GRAMD4: variants seen among roughly 807,000 people sequenced by gnomAD.
GRAMD4 encodes GRAM domain containing 4.
In GRAMD4, 25 loss-of-function variants were observed where a neutral mutation model predicts 83.9. The observed-to-expected ratio is 0.30, with a 90% CI of 0.22 to 0.42. The LOEUF is 0.42. Ranked by LOEUF, GRAMD4 falls within the 10% of genes least tolerant of loss-of-function variation. The pLI, the probability that GRAMD4 is intolerant of heterozygous loss-of-function variation, is 1.00. For synonymous variants in GRAMD4, 336 were observed against 320.9 expected (o/e 1.05, Z -0.50); for missense variants, 593 against 788.7 (o/e 0.75, Z 2.97).
At chr22:46,665,912 T>G (rs2082401750) in intron 9 of GRAMD4, among the ~76,000 whole-genome samples, 1 of 151,998 alleles carries the variant, frequency 6.6e-6, no homozygotes, top group Non-Finnish European at 1.5e-5. Flanking sequence ...AGTTCCCAAA[T>G]CCCCCAGCAG....
Position 46,676,579 on chromosome 22 carries a change from C to T in GRAMD4, c.1564-21C>T, listed in dbSNP as rs1005037098. On this transcript the variant is annotated intron_variant, in intron 17 of 18. Coordinates refer to ENST00000406902, the MANE Select transcript of GRAMD4 (RefSeq NM_015124.5). ...TGTCCCCAGGAGAGACCTGTGGTGA[C>T]GGCCACGCTTTGCCTTTCAGTACAA... The T allele has an allele frequency of 1.2e-5, 18 of 1,547,580 alleles. 1 individual carries two copies. In the East Asian group the frequency reaches 2.0e-4, roughly 17 times the overall value.
chr22:46,592,562 G>A (rs958057785), intron 1 of GRAMD4, among the ~76,000 whole-genome samples: 7 of 152,150 alleles, frequency 4.6e-5, no homozygotes, highest in Non-Finnish European at 8.8e-5. Context: ...GGAGGGGCTC[G>A]ATTCAGTTAC....
At chr22:46,600,816 T>TA (rs2081305399) in intron 1 of GRAMD4, among the ~76,000 whole-genome samples, 1 of 152,240 alleles carries the variant, frequency 6.6e-6, no homozygotes, top group Admixed American at 6.5e-5. Context: ...ATCTATTACA[T>TA]GTTAACATAA....
chr22:46,603,608 C>T (rs2081336890), intron 1 of GRAMD4, among the ~76,000 whole-genome samples: 1 of 148,056 alleles, frequency 6.8e-6, no homozygotes, highest in African/African-American at 2.5e-5. Flanking sequence ...GCTCCGCCTT[C>T]CGGGTTCACG....
chr22:46,625,267 A>G (rs904823634), intron 1 of GRAMD4, among the ~76,000 whole-genome samples: 3 of 152,188 alleles, frequency 2.0e-5, no homozygotes, highest in Non-Finnish European at 4.4e-5. Flanking sequence ...TCTGTGGCTC[A>G]GAGTGGGTTC....
At chr22:46,682,516 C>T (rs2082675847), downstream of GRAMD4, 3 of 855,136 alleles carry the variant, frequency 3.5e-6, no homozygotes, top group Non-Finnish European at 4.2e-6. Flanking sequence ...CACCCCAGAA[C>T]CCTCGGGACT....
At chr22:46,652,869 G>T (rs2082187044) in intron 3 of GRAMD4, among the ~76,000 whole-genome samples, 1 of 152,234 alleles carries the variant, frequency 6.6e-6, no homozygotes, top group Non-Finnish European at 1.5e-5. Context: ...TGGGGGATTT[G>T]CATCTCCTTT....
rs562382907 is a variant in GRAMD4, at chr22:46,647,908, C to A, written c.283+9948C>A. ...CAGCAGTTGGCATGTCCTGATGTCCCAGCTCTGTAAGGAGACCCTTATTTG... is the reference window on the plus strand; with the variant it reads ...CAGCAGTTGGCATGTCCTGATGTCCAAGCTCTGTAAGGAGACCCTTATTTG... On this transcript the variant is annotated intron_variant, in intron 3 of 18. Transcript: ENST00000406902. Among the ~76,000 whole-genome samples, 90 of 152,368 alleles carry A rather than the reference C, an allele frequency of 5.9e-4. 1 individual carries two copies. The highest frequency in any genetic ancestry group is 2.1e-3 in the African/African-American group (88 of 41,584).
In GRAMD4 at chr22:46,665,321, G is replaced by A. The variant is rs567221579; in HGVS notation, c.718-294G>A. ...CCTGGTGATGCCCCAAGTCTGGTGC[G>A]TGGGAGCCACACCGGGGCAGGCAGG... is the stretch of plus-strand genomic sequence containing the variant. On this transcript the variant is annotated intron_variant, in intron 8 of 18. Transcript: ENST00000406902. Among the ~76,000 whole-genome samples, 402 of 152,370 alleles carry A rather than the reference G, an allele frequency of 2.6e-3. 2 individuals carry two copies. Among genetic ancestry groups the A allele is most frequent in the Non-Finnish European group, 4.4e-3 (302 of 68,034 alleles).
rs1427715190 is a variant in GRAMD4, at chr22:46,613,932, G to A, written c.-49-12819G>A. 3.1e-4 allele frequency among the ~76,000 whole-genome samples: 47 copies of A among 152,350 alleles called. 1 individual carries two copies. The highest frequency in any genetic ancestry group is 2.9e-3 in the Admixed American group (44 of 15,302). Reference sequence around the variant, plus strand: ...GGAGGGAGGTGGGTGAGGGGAGGCTGCTGCTGTTCACGGAGCCCTGTGCCC... The same window carrying A: ...GGAGGGAGGTGGGTGAGGGGAGGCTACTGCTGTTCACGGAGCCCTGTGCCC... On this transcript the variant is annotated intron_variant, in intron 1 of 1. Coordinates refer to the GRAMD4 transcript ENST00000431155.
At chr22:46,593,076 C>T (rs982160871) in intron 1 of GRAMD4, among the ~76,000 whole-genome samples, 4 of 152,118 alleles carry the variant, frequency 2.6e-5, no homozygotes, top group Non-Finnish European at 4.4e-5. Context: ...TTATCCACAC[C>T]GTTCTCAAAT....
At chr22:46,646,800 C>A (rs567790921) in intron 3 of GRAMD4, among the ~76,000 whole-genome samples, 2 of 152,302 alleles carry the variant, frequency 1.3e-5, no homozygotes, top group South Asian at 4.1e-4. Context: ...GAGACTGGCG[C>A]TTTACAAACA....
At chr22:46,673,900 G>T (rs2082553766) in intron 15 of GRAMD4, 86 bp downstream of exon 15, 1 of 1,454,718 alleles carries the variant, frequency 6.9e-7, no homozygotes, top group Non-Finnish European at 9.5e-7. Context: ...GCAGGACGGG[G>T]TCGCCCTGTG....
At chr22:46,615,017 G>T (rs1416774067) in intron 1 of GRAMD4, among the ~76,000 whole-genome samples, 1 of 108,146 alleles carries the variant, frequency 9.2e-6, no homozygotes, top group Admixed American at 8.6e-5. Context: ...TCCCCTGTGC[G>T]TGTGGGTTCC....
In GRAMD4 at chr22:46,672,810, C is replaced by T; in HGVS notation, c.1085-33C>T. On this transcript the variant is annotated intron_variant, in intron 13 of 18. Coordinates refer to ENST00000406902, the MANE Select transcript of GRAMD4 (RefSeq NM_015124.5). The surrounding 1 kb of genome is among the most constrained non-coding windows in gnomAD (Gnocchi z 4.7). ...AGTAGACTGGCATAGCTGCAGAGCT[C>T]TAGATGGAGCAGGCTGTGTCCCCTG... 2 of 1,582,336 alleles carry T rather than the reference C, an allele frequency of 1.3e-6. No individual in the cohort carries two copies. The highest frequency in any genetic ancestry group is 1.7e-5 in the Admixed American group (1 of 59,192).
intron 1 of GRAMD4, among the ~76,000 whole-genome samples, chr22:46,623,784 C>CTTT (rs35664381): frequency 7.5e-6 from 1 of 133,366 alleles, no homozygotes; most frequent in Admixed American, 7.5e-5. Context: ...GTCAAGCTGC[C>CTTT]TTTTTTTTTT....
downstream of GRAMD4, chr22:46,682,448 C>G: frequency 3.0e-6 from 3 of 985,070 alleles, no homozygotes; most frequent in Non-Finnish European, 3.6e-6. Flanking sequence ...GCTGCTGGTA[C>G]AAAATGAGTC....
At chr22:46,592,759 C>T (rs2081223055) in intron 1 of GRAMD4, among the ~76,000 whole-genome samples, 1 of 152,148 alleles carries the variant, frequency 6.6e-6, no homozygotes, top group African/African-American at 2.4e-5. Context: ...CGCCCGGCAC[C>T]TCCAGGATGT....
At chr22:46,601,559 G>A (rs1049747924) in intron 1 of GRAMD4, among the ~76,000 whole-genome samples, 1 of 152,074 alleles carries the variant, frequency 6.6e-6, no homozygotes, top group African/African-American at 2.4e-5. Context: ...CACTTTGGGA[G>A]GCTAAGGCGG....
Sources: allele counts gnomAD v4.1 joint callset (sites outside exome capture counted in the v4.1 genomes callset), GRCh38; gene constraint gnomAD v4.1.1; non-coding constraint Gnocchi (gnomAD v3.1); transcripts MANE v1.5; gene names NCBI Gene and HGNC (gene_info 2026-07-23, HGNC 2026-07-21).